The following MPDZ variants were observed in gnomAD, a reference collection of about 807,000 sequenced individuals.
MPDZ encodes multiple PDZ domain protein.
In MPDZ, 234 loss-of-function variants were observed where a neutral mutation model predicts 239.1. That is an observed-to-expected ratio of 0.98 (90% confidence interval 0.88 to 1.09). The LOEUF is 1.09. Among genes scored for constraint, MPDZ ranks in the 50% least tolerant of loss-of-function variants. The pLI is 0.00. For synonymous variants in MPDZ, 1,048 were observed against 881.3 expected, an observed-to-expected ratio of 1.19 and a Z score of -3.35; for missense variants, 3,175 against 2,510.0, an observed-to-expected ratio of 1.26 and a Z score of -5.66.
At chr9:13,205,217 G>C in intron 11 of MPDZ, 110 bp from the exon 12 acceptor site, 1 of 544,432 alleles carries the variant, frequency 1.8e-6, no homozygotes, top group Non-Finnish European at 3.0e-6. Context: ...CTGTTTTTCA[G>C]AGATAAACTT....
Position 13,140,049 on chromosome 9 carries a change from T to C in MPDZ, c.3941A>G (p.Gln1314Arg). ...TTGTGAGATTTTGCTTGCAGATGACTGTGTGTGATCACTACCCATTTCGGC... is the reference window on the plus strand; with the variant it reads ...TTGTGAGATTTTGCTTGCAGATGACCGTGTGTGATCACTACCCATTTCGGC... The part of the protein sequence containing the change: ...AFAEMGSDHT[Q>R]SSASKISQDV... Residue 1314 changes from glutamine (Q) to arginine (R), a missense_variant, in exon 28 of 47, where the codon CAG becomes CGG. By Grantham distance (43) the Gln-to-Arg change is conservative. Coordinates refer to ENST00000319217, the MANE Select transcript of MPDZ (RefSeq NM_001378778.1). 6.2e-7 allele frequency: 1 copy of C among 1,613,110 alleles called. No homozygotes were observed. Among genetic ancestry groups the C allele is most frequent in the Non-Finnish European group, 8.5e-7 (1 of 1,179,710 alleles).
chr9:13,279,281 GC>G (rs1975076305), intron 1 of MPDZ, 118 bp downstream of exon 1: 1 of 44,848 alleles, frequency 2.2e-5, no homozygotes, highest in Non-Finnish European at 5.2e-5. Context: ...CCCCATCCCC[GC>G]CCCCACCCCC....
At chr9:13,111,742 T>G (rs2131145778) in intron 43 of MPDZ, among the ~76,000 whole-genome samples, 1 of 152,306 alleles carries the variant, frequency 6.6e-6, no homozygotes, top group African/African-American at 2.4e-5. Flanking sequence ...TGAAAATACT[T>G]TCTGTTCTCT....
At chr9:13,190,852 T>C (rs13301667) in intron 15 of MPDZ, among the ~76,000 whole-genome samples, 5 of 152,176 alleles carry the variant, frequency 3.3e-5, no homozygotes, top group African/African-American at 4.8e-5. Context: ...TATTTAAAAT[T>C]TGAATTACAT....
At chr9:13,271,006 G>C (rs1972828713) in intron 1 of MPDZ, among the ~76,000 whole-genome samples, 2 of 152,134 alleles carry the variant, frequency 1.3e-5, no homozygotes, top group African/African-American at 4.8e-5. Context: ...AAAGCATTGG[G>C]TTCAATACTG....
chr9:13,229,699 C>T lies in MPDZ; in HGVS notation c.184-5116G>A, dbSNP rs10960973. Among the ~76,000 whole-genome samples the T allele has an allele frequency of 1.5e-3, 225 of 151,682 alleles. 1 individual carries two copies. Among genetic ancestry groups the T allele is most frequent in the African/African-American group, 5.2e-3 (213 of 41,352 alleles). ...GAAAAAAAATTAAATCTCAGAAGAT[C>T]CCTATGCAGAAAGTATTATAGTACA... On this transcript the variant is annotated intron_variant, in intron 3 of 46. Transcript: ENST00000319217.
Position 13,138,106 on chromosome 9 carries a change from T to C in MPDZ, c.4051A>G (p.Ile1351Val), listed in dbSNP as rs1178316856. Residue 1351 changes from isoleucine (I) to valine (V), a missense_variant, in exon 29 of 47, where the codon ATT becomes GTT. By Grantham distance (29) the Ile-to-Val change is conservative (BLOSUM62 3). Coordinates refer to ENST00000319217, the MANE Select transcript of MPDZ (RefSeq NM_001378778.1). ...CCACTATGACCTTTCTCCAGTTCAA[T>C]CATATGCAGCTCGCCTGTTAGGGTT... ...YGTLTGELHM[I>V]ELEKGHSGLG... The C allele has an allele frequency of 6.2e-7, 1 of 1,609,746 alleles. No individual in the cohort carries two copies. The highest frequency in any genetic ancestry group is 1.7e-5 in the Admixed American group (1 of 59,494).
chr9:13,219,825 A>G, intron 7 of MPDZ, 57 bp from the exon 8 acceptor site: 1 of 1,525,958 alleles, frequency 6.6e-7, no homozygotes. Context: ...CAACAGATAA[A>G]TCCTAAATGA....
intron 10 of MPDZ, among the ~76,000 whole-genome samples, chr9:13,212,791 TAAAAAAAAAAA>T (rs145889448): frequency 2.7e-5 from 3 of 110,590 alleles, no homozygotes; most frequent in Non-Finnish European, 5.4e-5. Context: ...GGTCAAGGTT[TAAAAAAAAAAA>T]AAAAAAAAAA....
At position 13,222,278 on chromosome 9, in the gene MPDZ, G is replaced by A; in HGVS notation, c.702C>T (p.Ser234=). The A allele has an allele frequency of 6.2e-7, 1 of 1,612,794 alleles. No homozygotes were observed. Among genetic ancestry groups the A allele is most frequent in the Non-Finnish European group, 8.5e-7 (1 of 1,179,224 alleles). The part of the protein sequence containing the change: ...SLPQLVSPIV[S]RSPSAASTIS... Reference sequence around the variant, plus strand: ...TTGTGCTGGCTGCAGATGGAGAACGGGAAACTATGGGGCTGACAAGCTGAG... The same window carrying A: ...TTGTGCTGGCTGCAGATGGAGAACGAGAAACTATGGGGCTGACAAGCTGAG... Residue 234 remains serine (S), a synonymous_variant, in exon 6 of 47, where the codon TCC becomes TCT. Coordinates refer to ENST00000319217, the MANE Select transcript of MPDZ (RefSeq NM_001378778.1).
intron 10 of MPDZ, among the ~76,000 whole-genome samples, chr9:13,206,560 T>C (rs1957021074): frequency 6.6e-6 from 1 of 151,854 alleles, no homozygotes. Context: ...GGCTATTTTT[T>C]TTTTTTTTCT....
chr9:13,168,432 A>T lies in MPDZ; in HGVS notation c.3188T>A (p.Ile1063Asn). Residue 1063 changes from isoleucine (I) to asparagine (N), a missense_variant, in exon 22 of 47, where the codon ATC (isoleucine) becomes AAC (asparagine). Coordinates refer to ENST00000319217, the MANE Select transcript of MPDZ (RefSeq NM_001378778.1). Reference sequence around the variant, plus strand: ...TCGTGCCTGGGCATTGGTTACACTGATGGTAGACTCTTCATTAATGGACAA... The same window carrying T: ...TCGTGCCTGGGCATTGGTTACACTGTTGGTAGACTCTTCATTAATGGACAA... ...CILSINEEST[I>N]SVTNAQARAM... 6.2e-7 allele frequency: 1 copy of T among 1,613,588 alleles called. No homozygotes were observed. The highest frequency in any genetic ancestry group is 8.5e-7 in the Non-Finnish European group (1 of 1,179,598).
At chr9:13,207,795 A>C (rs1474753480) in intron 10 of MPDZ, among the ~76,000 whole-genome samples, 1 of 152,234 alleles carries the variant, frequency 6.6e-6, no homozygotes, top group East Asian at 1.9e-4. Flanking sequence ...TCCATACTAT[A>C]GATATTAAAA....
intron 21 of MPDZ, among the ~76,000 whole-genome samples, chr9:13,168,839 C>T (rs532338253): frequency 2.0e-5 from 3 of 152,026 alleles, no homozygotes; most frequent in East Asian, 1.9e-4. Flanking sequence ...ATGTGCTGAC[C>T]CCTTGAATAG....
chr9:13,115,193 T>C (rs1943193763), intron 40 of MPDZ, 55 bp downstream of exon 40: 6 of 1,471,384 alleles, frequency 4.1e-6, no homozygotes, highest in African/African-American at 1.4e-5. Flanking sequence ...GGGCCATCTA[T>C]GTGTCCTCTT....
At chr9:13,148,481 TA>T (rs1326388329) in intron 25 of MPDZ, among the ~76,000 whole-genome samples, 1 of 152,014 alleles carries the variant, frequency 6.6e-6, no homozygotes, top group African/African-American at 2.4e-5. Flanking sequence ...AGAACATTAT[TA>T]GATCTTTGCA....
chr9:13,228,266 T>G (rs1317736121), intron 3 of MPDZ, among the ~76,000 whole-genome samples: 3 of 152,122 alleles, frequency 2.0e-5, no homozygotes, highest in Non-Finnish European at 4.4e-5. Flanking sequence ...CTTTTATGTA[T>G]TTAGCAAATA....
At chr9:13,142,052 A>T (rs1422817670) in intron 27 of MPDZ, among the ~76,000 whole-genome samples, 2 of 152,104 alleles carry the variant, frequency 1.3e-5, no homozygotes, top group African/African-American at 4.8e-5. Flanking sequence ...GTACTTTAGA[A>T]TTTTTCTGGC....
chr9:13,118,887 C>A (rs1943907596), intron 39 of MPDZ, among the ~76,000 whole-genome samples: 1 of 152,136 alleles, frequency 6.6e-6, no homozygotes, highest in Non-Finnish European at 1.5e-5. Flanking sequence ...AGAATGATAT[C>A]TAGGGATGGA....
Sources: allele counts gnomAD v4.1 joint callset (sites outside exome capture counted in the v4.1 genomes callset), GRCh38; gene constraint gnomAD v4.1.1; transcripts MANE v1.5; gene names NCBI Gene and HGNC (gene_info 2026-07-23, HGNC 2026-07-21).